Variants in STK32A observed in about 807,000 individuals in gnomAD.
STK32A encodes the protein serine/threonine kinase 32A.
In STK32A, 41 loss-of-function variants were observed where a neutral mutation model predicts 53.2. That is an observed-to-expected ratio of 0.77 (90% CI 0.60 to 1.00). The LOEUF is 1.00. Among genes scored for constraint, STK32A ranks in the 50% least tolerant of loss-of-function variants. The probability of loss-of-function intolerance (pLI) is 0.00; values close to 1 mark genes in which losing one functional copy is unlikely to be tolerated. For missense variants in STK32A, 458 were observed against 485.8 expected (o/e 0.94, Z 0.54); for synonymous variants, 166 against 162.8 (o/e 1.02, Z -0.15).
rs72831348 is a variant in STK32A, at chr5:147,297,592, G to T, written c.260+18194G>T. On this transcript the variant is annotated intron_variant, in intron 4 of 12. Coordinates refer to ENST00000397936, the MANE Select transcript of STK32A (RefSeq NM_001112724.2). ...CTGATCACAGCTGGAATGCTGTTTA[G>T]CTAATTTCCTGCATGTTAATATTTC... is the stretch of plus-strand genomic sequence containing the variant. Among the ~76,000 whole-genome samples, 1,081 of 152,246 alleles carry T rather than the reference G, an allele frequency of 7.1e-3. 9 individuals carry two copies. The highest frequency in any genetic ancestry group is 0.014 in the Middle Eastern group (4 of 294).
chr5:147,266,729 A>T (rs1754828890), intron 2 of STK32A, among the ~76,000 whole-genome samples: 1 of 152,256 alleles, frequency 6.6e-6, no homozygotes, highest in South Asian at 2.1e-4. Flanking sequence ...TGTTTTGGCA[A>T]GAGAGGCAAC....
At chr5:147,332,401 A>G (rs1027115234) in intron 5 of STK32A, among the ~76,000 whole-genome samples, 5 of 144,054 alleles carry the variant, frequency 3.5e-5, no homozygotes, top group African/African-American at 1.3e-4. Flanking sequence ...TTTTGCTTTT[A>G]TATATCTATT....
At chr5:147,297,000 T>C (rs1376297363) in intron 4 of STK32A, among the ~76,000 whole-genome samples, 2 of 152,226 alleles carry the variant, frequency 1.3e-5, no homozygotes, top group Non-Finnish European at 2.9e-5. Context: ...CTATTTTACC[T>C]GAGGGCCTAT....
At chr5:147,278,762 T>G (rs965326175) in intron 3 of STK32A, among the ~76,000 whole-genome samples, 2 of 152,230 alleles carry the variant, frequency 1.3e-5, no homozygotes, top group South Asian at 4.1e-4. Context: ...TTTCAGGCAT[T>G]ATACAGACCT....
At chr5:147,362,459 C>A (rs545446884) in intron 8 of STK32A, among the ~76,000 whole-genome samples, 1 of 152,156 alleles carries the variant, frequency 6.6e-6, no homozygotes, top group South Asian at 2.1e-4. Context: ...GAGGGACCTA[C>A]CCCCATAAAC....
At chr5:147,363,137 C>T (rs948174059) in intron 8 of STK32A, among the ~76,000 whole-genome samples, 1 of 151,744 alleles carries the variant, frequency 6.6e-6, no homozygotes, top group Non-Finnish European at 1.5e-5. Flanking sequence ...AAGTTATGTG[C>T]TTCCAAAATA....
chr5:147,261,072 C>T (rs35416734), intron 2 of STK32A, among the ~76,000 whole-genome samples: 35,384 of 151,874 alleles, frequency 0.23, 4,611 homozygotes, highest in Admixed American at 0.33. Flanking sequence ...GGTTATTCCT[C>T]GCACTGGGTG....
intron 5 of STK32A, among the ~76,000 whole-genome samples, chr5:147,330,969 C>A (rs946529646): frequency 6.6e-6 from 1 of 152,180 alleles, no homozygotes; most frequent in Non-Finnish European, 1.5e-5. Flanking sequence ...GTGTCTAATT[C>A]TCACACACTG....
intron 2 of STK32A, among the ~76,000 whole-genome samples, chr5:147,264,957 A>C (rs1754738432): frequency 6.6e-6 from 1 of 151,892 alleles, no homozygotes; most frequent in South Asian, 2.1e-4. Flanking sequence ...TGGACACAAA[A>C]CTTGAAAAAA....
chr5:147,303,816 A>C (rs934492353), intron 4 of STK32A, among the ~76,000 whole-genome samples: 1 of 152,190 alleles, frequency 6.6e-6, no homozygotes, highest in African/African-American at 2.4e-5. Context: ...AAAGTAGAGA[A>C]GAAGGGAGCA....
At chr5:147,272,171 G>A (rs775309643) in intron 2 of STK32A, among the ~76,000 whole-genome samples, 1 of 152,126 alleles carries the variant, frequency 6.6e-6, no homozygotes, top group African/African-American at 2.4e-5. Flanking sequence ...CAGGTTCCCT[G>A]ACACAAGGGA....
At chr5:147,252,322 G>A (rs568927412) in intron 2 of STK32A, among the ~76,000 whole-genome samples, 2 of 152,046 alleles carry the variant, frequency 1.3e-5, no homozygotes, top group East Asian at 3.9e-4. Context: ...TTTCTGTCCA[G>A]AGTATAACAT....
At chr5:147,394,160 A>G in the STK32A span, 17 of 1,607,500 alleles carry the variant, frequency 1.1e-5, no homozygotes, top group Non-Finnish European at 1.4e-5. Context: ...GGAAAAAAAA[A>G]ACAGAGTGGC....
At chr5:147,389,786 G>C (rs1012834935), downstream of STK32A, among the ~76,000 whole-genome samples, 3 of 152,096 alleles carry the variant, frequency 2.0e-5, no homozygotes, top group Admixed American at 6.6e-5. Flanking sequence ...CAGGAGAATC[G>C]CTTCAACCCA....
chr5:147,273,700 T>C (rs569097091), intron 2 of STK32A, among the ~76,000 whole-genome samples: 1 of 152,288 alleles, frequency 6.6e-6, no homozygotes, highest in Non-Finnish European at 1.5e-5. Context: ...GGAGATAGAA[T>C]TGTCTGTTGG....
Position 147,375,296 on chromosome 5 carries a change from A to C in STK32A, c.1032+78A>C, listed in dbSNP as rs185118298. On this transcript the variant is annotated intron_variant, in intron 11 of 12. Transcript: ENST00000397936. ...AATATCTTCGAGAGCTTCTACTGGG[A>C]GGTCATTTCAGCTTCCTGCTTTTGC... 1,156 of 1,514,442 alleles carry C rather than the reference A, an allele frequency of 7.6e-4. 4 individuals carry two copies. Among genetic ancestry groups the C allele is most frequent in the Middle Eastern group, 2.5e-3 (14 of 5,706 alleles). The allele number at this position is 1,514,442 out of a possible 1,614,324, so 93.8% of individuals were successfully genotyped here.
intron 4 of STK32A, among the ~76,000 whole-genome samples, chr5:147,318,775 C>CA (rs5872017): frequency 0.065 from 8,827 of 135,374 alleles, 553 homozygotes; most frequent in African/African-American, 0.16. Context: ...GACCCTGTCT[C>CA]AAAAAAAAAA....
chr5:147,239,420 C>A (rs1181480138), intron 1 of STK32A, 119 bp from the exon 2 acceptor site: 2 of 439,362 alleles, frequency 4.6e-6, no homozygotes, highest in Non-Finnish European at 8.2e-6. Context: ...GGTTGGTTTT[C>A]AAACACAAAA....
rs1283560166 is a variant in STK32A, at chr5:147,300,302, G to A, written c.260+20904G>A. Among the ~76,000 whole-genome samples, 4 of 152,238 alleles carry A rather than the reference G, an allele frequency of 2.6e-5. No individual in the cohort carries two copies. The East Asian group carries it at 7.7e-4, about 29-fold the overall frequency. On this transcript the variant is annotated intron_variant, in intron 4 of 12. Coordinates refer to ENST00000397936, the MANE Select transcript of STK32A (RefSeq NM_001112724.2). ...ACACAGCTAGGAAGTGGCAGAGCGA[G>A]GACTCAAACCCAAGAATCCTGACTT...
Sources: gnomAD v4.1 joint callset for allele counts (sites outside exome capture counted in the v4.1 genomes callset) on GRCh38, gnomAD v4.1.1 for gene constraint, MANE v1.5 for transcripts, NCBI Gene and HGNC (gene_info 2026-07-23, HGNC 2026-07-21) for gene names.